Variants in NPC1 observed in about 807,000 individuals in gnomAD.
NPC1 encodes NPC intracellular cholesterol transporter 1.
Under a neutral mutation model 140.4 loss-of-function variants are expected in NPC1, and 85 were observed. The ratio of observed to expected loss-of-function variants is 0.61; its 90% CI spans 0.51 to 0.72. The LOEUF (loss-of-function observed/expected upper bound fraction) is 0.72. NPC1 is among the 30% of genes least tolerant of loss of function. The pLI is 0.00. For missense variants in NPC1, 1,504 were observed against 1,623.8 expected, an observed-to-expected ratio of 0.93 and a Z score of 1.27; for synonymous variants, 656 against 624.8, an observed-to-expected ratio of 1.05 and a Z score of -0.74.
chr18:23,573,314 G>C (rs1290234033), intron 2 of NPC1, 138 bp downstream of exon 2: 1 of 1,200,418 alleles, frequency 8.3e-7, no homozygotes, highest in Non-Finnish European at 1.2e-6. Context: ...CCACAGGTTA[G>C]AGTTTGAGAG....
Position 23,556,283 on chromosome 18 carries a change from A to T in NPC1, c.1286T>A (p.Val429Glu). 6.2e-7 allele frequency: 1 copy of T among 1,614,182 alleles called. No individual in the cohort carries two copies. Among genetic ancestry groups the T allele is most frequent in the Non-Finnish European group, 8.5e-7 (1 of 1,180,028 alleles). The change falls in exon 8 of 25, where the codon GTA (valine) becomes GAA (glutamate). Residue 429 changes from valine (V) to glutamate (E), a missense_variant. By Grantham distance (121) the Val-to-Glu change is moderately radical. Transcript: ENST00000269228. The part of the protein sequence containing the change: ...IYQPYPSGAD[V>E]PFGPPLDIQI... ...TATGTCAAGCGGAGGTCCAAAGGGT[A>T]CATCAGCTCCCGAAGGGTATGGCTG...
At chr18:23,566,224 C>G (rs1006149022) in intron 4 of NPC1, among the ~76,000 whole-genome samples, 1 of 151,920 alleles carries the variant, frequency 6.6e-6, no homozygotes, top group African/African-American at 2.4e-5. Flanking sequence ...GACCCTATCT[C>G]TACAAAAAAA....
rs748149280 is a variant in NPC1 at position 23,541,086 on chromosome 18, G to A, written c.2496C>T (p.Asp832=). The change falls in exon 16 of 25, where the codon GAC becomes GAT. Residue 832 remains aspartate, a synonymous_variant. Transcript: ENST00000269228. The part of the protein sequence containing the change: ...KNSYSPLLLK[D]WMRPIVIAIF... ...CGCATACCACAATTGGTCTCATCCA[G>A]TCCTTTAGCAGAAGTGGAGAATAGG... The A allele has an allele frequency of 5.6e-6, 9 of 1,614,192 alleles. No individual in the cohort carries two copies. The highest frequency in any genetic ancestry group is 6.8e-6 in the Non-Finnish European group (8 of 1,180,012).
chr18:23,514,383 C>G (rs1567918706), intron 3 of NPC1, among the ~76,000 whole-genome samples: 1 of 152,158 alleles, frequency 6.6e-6, no homozygotes, highest in Non-Finnish European at 1.5e-5. Context: ...GCCGTCTCTA[C>G]TGTCTCAAAA....
chr18:23,572,045 AGTT>A, intron 3 of NPC1, 26 bp downstream of exon 3: 2 of 1,434,580 alleles, frequency 1.4e-6, no homozygotes, highest in Non-Finnish European at 2.0e-6. Flanking sequence ...TCTACAGCCC[AGTT>A]GTTCTGTTTC....
At chr18:23,527,899 A>G, downstream of NPC1, 4 of 1,612,824 alleles carry the variant, frequency 2.5e-6, no homozygotes, top group African/African-American at 1.3e-5. Flanking sequence ...GAGTTATGCG[A>G]TGGTGAGTTA....
chr18:23,510,640 C>G (rs932767338), intron 3 of NPC1, among the ~76,000 whole-genome samples: 6 of 151,528 alleles, frequency 4.0e-5, no homozygotes, highest in Admixed American at 6.6e-5. Flanking sequence ...GAGCGAGACT[C>G]CGTCTCAAAA....
intron 5 of NPC1, among the ~76,000 whole-genome samples, chr18:23,560,993 T>A (rs1567970112): frequency 6.6e-6 from 1 of 152,210 alleles, no homozygotes; most frequent in African/African-American, 2.4e-5. Context: ...TATTGTAGAT[T>A]ATGCTTCCTC....
intron 10 of NPC1, 37 bp from the exon 11 acceptor site, chr18:23,548,145 CA>C: frequency 8.0e-7 from 1 of 1,254,304 alleles, no homozygotes; most frequent in Non-Finnish European, 1.2e-6. Flanking sequence ...AAGCAGATTA[CA>C]AGCATGCAGA....
At chr18:23,506,990 T>C in intron 3 of NPC1, 1 of 1,608,190 alleles carries the variant, frequency 6.2e-7, no homozygotes, top group African/African-American at 1.3e-5. Context: ...AAAGGAGAAG[T>C]GAAGTGCATT....
chr18:23,533,176 A>G (rs2058565612), intron 24 of NPC1, 179 bp downstream of exon 24: 4 of 730,804 alleles, frequency 5.5e-6, no homozygotes, highest in African/African-American at 1.8e-5. Flanking sequence ...AGTCTGCACC[A>G]TCATGAATCC....
chr18:23,554,335 G>T (rs1206601431), intron 9 of NPC1, among the ~76,000 whole-genome samples: 2 of 152,228 alleles, frequency 1.3e-5, no homozygotes, highest in Non-Finnish European at 2.9e-5. Flanking sequence ...GCTGGGCATG[G>T]AAGCTCACGC....
At chr18:23,522,062 C>A (rs577628450), downstream of NPC1, among the ~76,000 whole-genome samples, 1 of 152,194 alleles carries the variant, frequency 6.6e-6, no homozygotes, top group South Asian at 2.1e-4. Flanking sequence ...ACCGTTCACC[C>A]GGGAGTTCAG....
intron 6 of NPC1, 79 bp downstream of exon 6, chr18:23,560,152 A>G: frequency 1.3e-6 from 2 of 1,573,470 alleles, no homozygotes; most frequent in Admixed American, 1.7e-5. Flanking sequence ...TAAGTAACCA[A>G]GCTCTGACAA....
chr18:23,532,767 G>T (rs1314870602), intron 24 of NPC1: 1 of 401,204 alleles, frequency 2.5e-6, no homozygotes, highest in Admixed American at 6.6e-5. Context: ...ATCCCCCGGA[G>T]ATGATAAAAA....
intron 1 of NPC1, among the ~76,000 whole-genome samples, chr18:23,577,276 T>C (rs1307431452): frequency 6.7e-6 from 1 of 148,160 alleles, no homozygotes; most frequent in Admixed American, 6.7e-5. Flanking sequence ...TTACAATCCT[T>C]GAGCTAGACA....
chr18:23,509,089 C>T (rs995562986), intron 3 of NPC1: 14 of 396,020 alleles, frequency 3.5e-5, no homozygotes, highest in Middle Eastern at 7.0e-4. Flanking sequence ...TTCCGGGGAA[C>T]GTTCATTAAA....
At chr18:23,568,247 TG>T (rs2059154274) in intron 4 of NPC1, among the ~76,000 whole-genome samples, 1 of 152,062 alleles carries the variant, frequency 6.6e-6, no homozygotes, top group Non-Finnish European at 1.5e-5. Context: ...CAGGTTGCCT[TG>T]TATGTCACAT....
rs763189475 is a variant in NPC1 at position 23,541,412 on chromosome 18, G to A, written c.2267C>T (p.Ala756Val). 1 of 1,614,258 alleles carries A rather than the reference G, an allele frequency of 6.2e-7. No individual in the cohort carries two copies. Among genetic ancestry groups the A allele is most frequent in the Admixed American group, 1.7e-5 (1 of 60,036 alleles). The change falls in exon 15 of 25, where the codon GCC becomes GTC. Residue 756 changes from alanine (A) to valine (V), a missense_variant. Physicochemically the swap from Ala to Val is moderately conservative, Grantham distance 64. Transcript: ENST00000269228. ...FFLGALSVMP[A>V]VHTFSLFAGL... is the part of the protein sequence containing the mutation. The stretch of plus-strand genomic sequence containing the variant: ...CGCAAAGAGAGAGAAGGTGTGCACG[G>A]CTGGCATCACGGACAATGCTCCTGT...
Sources: allele counts gnomAD v4.1 joint callset (sites outside exome capture counted in the v4.1 genomes callset), GRCh38; gene constraint gnomAD v4.1.1; transcripts MANE v1.5; gene names NCBI Gene and HGNC (gene_info 2026-07-23, HGNC 2026-07-21).